The following LMO7 variants were observed in gnomAD, a reference collection of about 807,000 sequenced individuals.
LMO7 encodes LIM domain only protein 7.
LMO7 carries 120 observed loss-of-function variants against 206.5 expected under a neutral mutation model. That is an observed-to-expected ratio of 0.58 (90% CI 0.50 to 0.68). LMO7 has a LOEUF of 0.68. LMO7 is among the 30% of genes least tolerant of loss of function. The probability of loss-of-function intolerance (pLI) is 0.00; values close to 1 mark genes in which losing one functional copy is unlikely to be tolerated. For synonymous variants in LMO7, 706 were observed against 681.5 expected, an observed-to-expected ratio of 1.04 and a Z score of -0.56; for missense variants, 1,959 against 1,957.9, an observed-to-expected ratio of 1.00 and a Z score of -0.01.
intron 2 of LMO7, among the ~76,000 whole-genome samples, chr13:75,724,956 A>G (rs1180176619): frequency 6.6e-6 from 1 of 152,104 alleles, no homozygotes; most frequent in African/African-American, 2.4e-5. Flanking sequence ...TTTAGGGTGG[A>G]AAAGGAATGC....
chr13:75,772,160 G>A (rs2049844338), intron 4 of LMO7, among the ~76,000 whole-genome samples: 1 of 152,056 alleles, frequency 6.6e-6, no homozygotes, highest in African/African-American at 2.4e-5. Flanking sequence ...CAAGCCTTTA[G>A]AAATAATTAT....
At chr13:75,750,919 A>G (rs977960900) in intron 3 of LMO7, among the ~76,000 whole-genome samples, 1 of 152,160 alleles carries the variant, frequency 6.6e-6, no homozygotes, top group Admixed American at 6.5e-5. Flanking sequence ...TCCCATGTCT[A>G]TAAATCATAA....
At position 75,790,430 on chromosome 13, in the gene LMO7, G is replaced by A. The variant is rs114110642; in HGVS notation, c.318-4971G>A. 5.4e-3 allele frequency among the ~76,000 whole-genome samples: 817 copies of A among 152,216 alleles called. 11 individuals are homozygous for A. The highest frequency in any genetic ancestry group is 0.019 in the African/African-American group (778 of 41,492). On this transcript the variant is annotated intron_variant, in intron 4 of 30. Transcript: ENST00000377534. ...CAAGTTCTCACAGCTAGTGAAAGTG[G>A]AGCCAGAATTTACACACTGGAGGTC...
Position 75,670,465 on chromosome 13 carries a change from G to A in LMO7, c.69+33739G>A, listed in dbSNP as rs9600523. Among the ~76,000 whole-genome samples, 1,368 of 152,272 alleles carry A rather than the reference G, an allele frequency of 9.0e-3. 27 individuals carry two copies. Among genetic ancestry groups the A allele is most frequent in the African/African-American group, 0.03 (1,264 of 41,546 alleles). On this transcript the variant is annotated intron_variant, in intron 1 of 30. Transcript: ENST00000377534. Reference sequence around the variant, plus strand: ...ATGGTGTAGCCTATCAAACACATAGGCTATATAGTGTAGCTTATTGCTCCT... The same window carrying A: ...ATGGTGTAGCCTATCAAACACATAGACTATATAGTGTAGCTTATTGCTCCT...
At chr13:75,806,351 A>T (rs1302724496) in intron 9 of LMO7, 1 of 609,470 alleles carries the variant, frequency 1.6e-6, no homozygotes, top group Non-Finnish European at 2.1e-6. Context: ...CTGGGACCTG[A>T]TTGCACTGAA....
At chr13:75,685,216 A>G (rs991284479) in intron 1 of LMO7, among the ~76,000 whole-genome samples, 6 of 152,202 alleles carry the variant, frequency 3.9e-5, no homozygotes, top group East Asian at 1.9e-4. Flanking sequence ...TTCATTTTGC[A>G]TAGCAGATAC....
upstream of LMO7, among the ~76,000 whole-genome samples, chr13:75,633,073 C>A (rs2035202968): frequency 6.6e-6 from 1 of 151,928 alleles, no homozygotes; most frequent in South Asian, 2.1e-4. Flanking sequence ...CCATGTCGGC[C>A]AGGCTGGTCT....
At chr13:75,854,290 G>A (rs2060741425) in intron 28 of LMO7, among the ~76,000 whole-genome samples, 1 of 152,166 alleles carries the variant, frequency 6.6e-6, no homozygotes, top group African/African-American at 2.4e-5. Context: ...AAGAAAACAT[G>A]TTTTATATAA....
intron 6 of LMO7, among the ~76,000 whole-genome samples, chr13:75,799,357 A>C (rs879655012): frequency 2.0e-5 from 3 of 152,206 alleles, no homozygotes; most frequent in African/African-American, 7.2e-5. Flanking sequence ...CAATTATTAC[A>C]ATTTTCCATA....
intron 3 of LMO7, among the ~76,000 whole-genome samples, chr13:75,749,979 C>T (rs1205255938): frequency 6.6e-6 from 1 of 151,816 alleles, no homozygotes; most frequent in East Asian, 1.9e-4. Context: ...GTAGGTGTTA[C>T]TTGGCAGAAT....
chr13:75,688,822 AAAC>A (rs1323035878), intron 1 of LMO7: 5 of 151,902 alleles, frequency 3.3e-5, no homozygotes, highest in Non-Finnish European at 7.4e-5. Context: ...CTATTTCTTC[AAAC>A]CCATCACTGA....
chr13:75,684,107 C>T (rs1363441098), intron 1 of LMO7, among the ~76,000 whole-genome samples: 1 of 152,158 alleles, frequency 6.6e-6, no homozygotes, highest in East Asian at 1.9e-4. Context: ...ACTCGTTTTT[C>T]AGGTTAACTT....
chr13:75,833,767 G>C (rs1328565947), intron 16 of LMO7, among the ~76,000 whole-genome samples: 17 of 152,016 alleles, frequency 1.1e-4, no homozygotes, highest in Admixed American at 1.1e-3. Flanking sequence ...GTTAACACCA[G>C]TTAGTTCTTT....
chr13:75,819,198 G>C, intron 12 of LMO7, 195 bp from the exon 13 acceptor site: 3 of 501,404 alleles, frequency 6.0e-6, no homozygotes, highest in Non-Finnish European at 1.0e-5. Context: ...TATTAGGTCA[G>C]GTTTTTGAGA....
intron 24 of LMO7, among the ~76,000 whole-genome samples, chr13:75,842,466 C>G (rs2059627618): frequency 6.6e-6 from 1 of 152,138 alleles, no homozygotes; most frequent in African/African-American, 2.4e-5. Flanking sequence ...CAGGCCCCTT[C>G]TCACTCTTTC....
At chr13:75,697,659 C>T (rs2041998894) in intron 1 of LMO7, among the ~76,000 whole-genome samples, 1 of 152,172 alleles carries the variant, frequency 6.6e-6, no homozygotes, top group African/African-American at 2.4e-5. Flanking sequence ...TGAAAGGGAA[C>T]ATGTGTATTG....
chr13:75,809,137 G>T lies in LMO7; in HGVS notation c.1917-17G>T, dbSNP rs199972144. On this transcript the variant is annotated splice_polypyrimidine_tract_variant and intron_variant, in intron 10 of 30. Transcript: ENST00000377534. ...GGGAAAAATGACTTTTTAATTTTTGGTTTTCTGGTTTCTTAGACTCTTTCA... is the reference window on the plus strand; with the variant it reads ...GGGAAAAATGACTTTTTAATTTTTGTTTTTCTGGTTTCTTAGACTCTTTCA... The T allele has an allele frequency of 6.2e-7, 1 of 1,605,480 alleles. No individual in the cohort carries two copies. The highest frequency in any genetic ancestry group is 1.7e-5 in the Admixed American group (1 of 59,822).
chr13:75,681,722 A>G (rs1051166116), intron 1 of LMO7, among the ~76,000 whole-genome samples: 5 of 98,634 alleles, frequency 5.1e-5, no homozygotes, highest in African/African-American at 1.1e-4. Flanking sequence ...ATATATGTAT[A>G]TATATATATA....
In LMO7 at chr13:75,821,585, C is replaced by T; in HGVS notation, c.2616C>T (p.Ile872=). The T allele has an allele frequency of 6.2e-7, 1 of 1,613,134 alleles. No individual in the cohort carries two copies. Among genetic ancestry groups the T allele is most frequent in the Non-Finnish European group, 8.5e-7 (1 of 1,179,276 alleles). Residue 872 remains isoleucine, a synonymous_variant, in exon 14 of 31, where the codon ATC becomes ATT. Transcript: ENST00000377534. Reference sequence around the variant, plus strand: ...CCTTTGGCTCTCAGACAAGGGGAATCTCATCACTCCCCAGATCTTACACGG... The same window carrying T: ...CCTTTGGCTCTCAGACAAGGGGAATTTCATCACTCCCCAGATCTTACACGG... ...PRPFGSQTRG[I]SSLPRSYTMD...
Sources: allele counts gnomAD v4.1 joint callset (sites outside exome capture counted in the v4.1 genomes callset), GRCh38; gene constraint gnomAD v4.1.1; transcripts MANE v1.5; gene names NCBI Gene and HGNC (gene_info 2026-07-23, HGNC 2026-07-21).